MYO16: variants seen among roughly 807,000 people sequenced by gnomAD.
The protein encoded by MYO16 is myosin XVI.
A neutral mutation model predicts 205.3 loss-of-function variants in MYO16; 94 were observed. The ratio of observed to expected loss-of-function variants is 0.46; its 90% confidence interval spans 0.39 to 0.54. The LOEUF is 0.54. MYO16 is among the 20% of genes least tolerant of loss of function. The pLI is 0.00. For missense variants in MYO16, 2,315 were observed against 2,387.5 expected, an observed-to-expected ratio of 0.97 and a Z score of 0.63; for synonymous variants, 988 against 954.0, an observed-to-expected ratio of 1.04 and a Z score of -0.66.
chr13:109,092,974 T>G (rs1309094452), intron 27 of MYO16, among the ~76,000 whole-genome samples: 1 of 152,242 alleles, frequency 6.6e-6, no homozygotes, highest in African/African-American at 2.4e-5. Context: ...GAAGACTATC[T>G]ATGATGTGGC....
chr13:108,970,937 G>A (rs1269462846), intron 20 of MYO16, among the ~76,000 whole-genome samples: 5 of 152,258 alleles, frequency 3.3e-5, no homozygotes, highest in African/African-American at 1.2e-4. Flanking sequence ...ACACACTCCA[G>A]TTGCTCACTT....
intron 9 of MYO16, among the ~76,000 whole-genome samples, chr13:108,829,347 C>T (rs1876472101): frequency 6.6e-6 from 1 of 152,224 alleles, no homozygotes; most frequent in Non-Finnish European, 1.5e-5. Flanking sequence ...ATGTTCTTCA[C>T]TTATCTTTGA....
At chr13:108,964,375 T>C (rs949973858) in intron 19 of MYO16, among the ~76,000 whole-genome samples, 4 of 152,174 alleles carry the variant, frequency 2.6e-5, no homozygotes, top group Non-Finnish European at 5.9e-5. Context: ...ATATTTAAAA[T>C]ATATCTGATT....
intron 1 of MYO16, among the ~76,000 whole-genome samples, chr13:108,608,729 G>A (rs1006883219): frequency 1.1e-4 from 16 of 151,750 alleles, no homozygotes; most frequent in African/African-American, 3.1e-4. Flanking sequence ...TGCAACCTCC[G>A]CCTCCAGGGT....
At chr13:109,005,493 G>A (rs1190427667) in intron 21 of MYO16, among the ~76,000 whole-genome samples, 2 of 151,956 alleles carry the variant, frequency 1.3e-5, no homozygotes, top group African/African-American at 4.8e-5. Context: ...TTAATATTTT[G>A]TTTGGTATAT....
the MYO16 span, among the ~76,000 whole-genome samples, chr13:108,530,422 GA>G: frequency 6.6e-6 from 1 of 152,196 alleles, no homozygotes; most frequent in Admixed American, 6.5e-5. Context: ...TTGACTTCTA[GA>G]ATTATTTCTT....
intron 31 of MYO16, among the ~76,000 whole-genome samples, chr13:109,136,977 G>T (rs187890707): frequency 6.6e-6 from 1 of 152,052 alleles, no homozygotes; most frequent in African/African-American, 2.4e-5. Context: ...CTAGTATTTC[G>T]CTGGGCTCTG....
chr13:109,189,018 A>T (rs1928146), intron 34 of MYO16, among the ~76,000 whole-genome samples: 76,482 of 151,650 alleles, frequency 0.5, 20,296 homozygotes, highest in African/African-American at 0.65. Flanking sequence ...TGCTTGAACC[A>T]GGGAGGCGAA....
At chr13:109,056,291 TTC>T in intron 27 of MYO16, among the ~76,000 whole-genome samples, 1 of 152,262 alleles carries the variant, frequency 6.6e-6, no homozygotes, top group East Asian at 1.9e-4. Context: ...GTATTAGCCC[TTC>T]TCCCATGGTA....
chr13:108,781,729 C>G (rs2093530), intron 4 of MYO16, among the ~76,000 whole-genome samples: 51,794 of 151,996 alleles, frequency 0.34, 10,038 homozygotes, highest in East Asian at 0.63. Context: ...ATTCCCACTT[C>G]TTGTGGGAGG....
chr13:108,774,219 C>A (rs1886057904), intron 4 of MYO16, among the ~76,000 whole-genome samples: 2 of 152,144 alleles, frequency 1.3e-5, no homozygotes, highest in Admixed American at 1.3e-4. Flanking sequence ...ATAACATAAA[C>A]CAATAAATTC....
chr13:108,851,307 T>C (rs78528727), intron 10 of MYO16, among the ~76,000 whole-genome samples: 1 of 152,190 alleles, frequency 6.6e-6, no homozygotes, highest in African/African-American at 2.4e-5. Flanking sequence ...GCCTACATAG[T>C]TTTGGGGGTT....
intron 12 of MYO16, among the ~76,000 whole-genome samples, chr13:108,866,775 T>C (rs924200019): frequency 4.6e-5 from 7 of 152,104 alleles, no homozygotes; most frequent in African/African-American, 1.7e-4. Context: ...GGGTCAAAAA[T>C]ACTATATCAT....
the MYO16 span, among the ~76,000 whole-genome samples, chr13:108,551,230 C>T: frequency 2.0e-5 from 3 of 152,150 alleles, no homozygotes; most frequent in Non-Finnish European, 4.4e-5. Context: ...CTAGTAACTT[C>T]CTTATTTACA....
At chr13:108,835,439 T>C (rs1876858729) in intron 9 of MYO16, among the ~76,000 whole-genome samples, 1 of 152,154 alleles carries the variant, frequency 6.6e-6, no homozygotes, top group Admixed American at 6.6e-5. Flanking sequence ...AATTACCCAG[T>C]CTCAGGTACG....
chr13:109,124,883 A>G (rs1337347907), intron 29 of MYO16, among the ~76,000 whole-genome samples: 1 of 152,194 alleles, frequency 6.6e-6, no homozygotes, highest in East Asian at 1.9e-4. Flanking sequence ...TGTGTTACCA[A>G]AAACAATGTG....
At chr13:108,851,131 C>T (rs1422961414) in intron 10 of MYO16, among the ~76,000 whole-genome samples, 1 of 152,184 alleles carries the variant, frequency 6.6e-6, no homozygotes, top group Non-Finnish European at 1.5e-5. Context: ...TGATTTTCCT[C>T]TTTTTATGAT....
chr13:108,798,951 C>T (rs1291330459), intron 6 of MYO16, among the ~76,000 whole-genome samples: 2 of 146,560 alleles, frequency 1.4e-5, no homozygotes, highest in Non-Finnish European at 3.0e-5. Flanking sequence ...ATGATCCACC[C>T]GCCTCGGCCT....
intron 14 of MYO16, among the ~76,000 whole-genome samples, chr13:108,895,699 T>C (rs193153294): frequency 9.8e-4 from 149 of 152,352 alleles, no homozygotes; most frequent in Middle Eastern, 6.8e-3. Context: ...GGAAAACTAA[T>C]TGGTCTATGT....
Sources: gnomAD v4.1 joint callset for allele counts (sites outside exome capture counted in the v4.1 genomes callset) on GRCh38, gnomAD v4.1.1 for gene constraint, MANE v1.5 for transcripts, NCBI Gene and HGNC (gene_info 2026-07-23, HGNC 2026-07-21) for gene names.